Variants in LRBA observed in about 807,000 individuals in gnomAD.
The protein encoded by LRBA is lipopolysaccharide-responsive and beige-like anchor protein.
Under a neutral mutation model 330.0 loss-of-function variants are expected in LRBA, and 176 were observed. The ratio of observed to expected loss-of-function variants is 0.53; its 90% confidence interval spans 0.47 to 0.60. The LOEUF (loss-of-function observed/expected upper bound fraction) is 0.60. Ranked by LOEUF, LRBA falls within the 20% of genes least tolerant of loss-of-function variation. The probability of loss-of-function intolerance (pLI) is 0.00; values close to 1 mark genes in which losing one functional copy is unlikely to be tolerated. For missense variants in LRBA, 3,259 were observed against 3,444.8 expected (o/e 0.95, Z 1.35); for synonymous variants, 1,230 against 1,193.0 (o/e 1.03, Z -0.64).
chr4:150,791,106 T>C (rs1739843838), intron 34 of LRBA, among the ~76,000 whole-genome samples: 1 of 152,236 alleles, frequency 6.6e-6, no homozygotes, highest in Admixed American at 6.5e-5. Context: ...TTTAACACTG[T>C]ATATTCTTTT....
intron 22 of LRBA, 150 bp from the exon 23 acceptor site, chr4:150,853,093 T>C (rs1750803529): frequency 4.6e-6 from 2 of 439,164 alleles, no homozygotes; most frequent in South Asian, 1.6e-4. Flanking sequence ...ATGATAAATG[T>C]AAGTCAATCA....
At position 150,591,005 on chromosome 4, in the gene LRBA, G is replaced by A. The variant is rs150861788; in HGVS notation, c.6047-146C>T. ...CTACAGTGGAGAAAGTGATTGGGATGGCACACATGCCTGATCTGACAAACT... is the reference window on the plus strand; with the variant it reads ...CTACAGTGGAGAAAGTGATTGGGATAGCACACATGCCTGATCTGACAAACT... On this transcript the variant is annotated intron_variant, in intron 38 of 56. Transcript: ENST00000651943. 8.9e-6 allele frequency: 6 copies of A among 671,382 alleles called. 1 individual carries two copies. The East Asian group carries it at 1.4e-4, about 15-fold the overall frequency. 41.6% of individuals were successfully genotyped at this position (671,382 alleles called of 1,614,324 possible).
At chr4:150,304,687 T>C (rs1176477173) in intron 52 of LRBA, among the ~76,000 whole-genome samples, 5 of 152,032 alleles carry the variant, frequency 3.3e-5, no homozygotes, top group Non-Finnish European at 7.4e-5. Flanking sequence ...TAAAAAAAAT[T>C]GAGCAAATTA....
intron 48 of LRBA, among the ~76,000 whole-genome samples, chr4:150,329,184 C>T (rs910847142): frequency 6.6e-6 from 1 of 152,162 alleles, no homozygotes; most frequent in South Asian, 2.1e-4. Context: ...GTCTTGAAGG[C>T]ATCTGAAAAG....
rs577563248 is a variant in LRBA, at chr4:150,480,370, A to G, written c.6551+7362T>C. Among the ~76,000 whole-genome samples the G allele has an allele frequency of 4.6e-5, 7 of 152,244 alleles. No individual in the cohort carries two copies. In the South Asian group the frequency reaches 1.5e-3, roughly 32 times the overall value. On this transcript the variant is annotated intron_variant, in intron 42 of 56. Coordinates refer to ENST00000651943, the MANE Select transcript of LRBA (RefSeq NM_001364905.1). ...ATACAAAACTAATATGTGAATTCTG[A>G]TTTACCAGAGGCTACACATACAGGT...
At chr4:150,334,682 C>T (rs1286722527) in intron 48 of LRBA, among the ~76,000 whole-genome samples, 1 of 151,450 alleles carries the variant, frequency 6.6e-6, no homozygotes, top group South Asian at 2.1e-4. Context: ...CATTTTTATA[C>T]CAATTGATAT....
At chr4:150,881,724 C>T (rs1728413599) in intron 17 of LRBA, among the ~76,000 whole-genome samples, 1 of 152,126 alleles carries the variant, frequency 6.6e-6, no homozygotes, top group African/African-American at 2.4e-5. Context: ...AACTGTAACA[C>T]ACTAAGATAT....
intron 37 of LRBA, among the ~76,000 whole-genome samples, chr4:150,672,810 T>A (rs930625416): frequency 6.6e-6 from 1 of 152,190 alleles, no homozygotes; most frequent in African/African-American, 2.4e-5. Flanking sequence ...TCTACTGTTA[T>A]ATACTCAGTA....
intron 35 of LRBA, among the ~76,000 whole-genome samples, chr4:150,758,566 CTTT>C (rs2126449237): frequency 7.3e-6 from 1 of 136,438 alleles, no homozygotes; most frequent in African/African-American, 2.6e-5. Flanking sequence ...TAATTGATCT[CTTT>C]GTCTTTTTTT....
intron 38 of LRBA, among the ~76,000 whole-genome samples, chr4:150,592,427 T>C (rs1489531029): frequency 1.3e-5 from 2 of 151,930 alleles, no homozygotes. Context: ...TTATATACAA[T>C]ACTTATAGTG....
At chr4:150,323,515 A>G (rs1732833622) in intron 49 of LRBA, among the ~76,000 whole-genome samples, 1 of 152,232 alleles carries the variant, frequency 6.6e-6, no homozygotes, top group Non-Finnish European at 1.5e-5. Flanking sequence ...TCTTGTTTAC[A>G]TAGTGACTCT....
chr4:150,682,976 C>T (rs1278801021), intron 37 of LRBA, among the ~76,000 whole-genome samples: 3 of 151,958 alleles, frequency 2.0e-5, no homozygotes, highest in African/African-American at 7.2e-5. Flanking sequence ...TCAACAACAG[C>T]ATGTCCAGTT....
rs558732825 is a variant in LRBA at position 150,485,124 on chromosome 4, T to C, written c.6551+2608A>G. Among the ~76,000 whole-genome samples the C allele has an allele frequency of 4.6e-5, 7 of 152,114 alleles. No homozygotes were observed. The South Asian group carries it at 1.5e-3, about 32-fold the overall frequency. Reference sequence around the variant, plus strand: ...GCAATTGACTAAAATGTTTTATACATGTGACACAGATCAAGGTGGTTAATA... The same window carrying C: ...GCAATTGACTAAAATGTTTTATACACGTGACACAGATCAAGGTGGTTAATA... On this transcript the variant is annotated intron_variant, in intron 42 of 56. Coordinates refer to ENST00000651943, the MANE Select transcript of LRBA (RefSeq NM_001364905.1).
chr4:150,918,315 A>G (rs979370162), intron 5 of LRBA, among the ~76,000 whole-genome samples: 15 of 152,346 alleles, frequency 9.8e-5, no homozygotes, highest in African/African-American at 2.9e-4. Flanking sequence ...CTAAATATAC[A>G]TATCTCCAAA....
At chr4:150,959,580 C>T (rs1039596805) in intron 2 of LRBA, among the ~76,000 whole-genome samples, 16 of 149,038 alleles carry the variant, frequency 1.1e-4, no homozygotes, top group Non-Finnish European at 2.4e-4. Context: ...TAATAATTGC[C>T]ATCAAATATG....
At chr4:151,007,260 G>C (rs1185652976) in intron 2 of LRBA, among the ~76,000 whole-genome samples, 2 of 152,176 alleles carry the variant, frequency 1.3e-5, no homozygotes, top group Non-Finnish European at 2.9e-5. Context: ...CCAGCACCTT[G>C]GGAGGCCGAG....
intron 56 of LRBA, among the ~76,000 whole-genome samples, chr4:150,266,236 C>G (rs1415045603): frequency 2.0e-5 from 3 of 152,188 alleles, no homozygotes; most frequent in African/African-American, 7.2e-5. Context: ...AGCACACACT[C>G]AAGTGACAAG....
chr4:150,383,434 T>C (rs1026746656), intron 47 of LRBA, among the ~76,000 whole-genome samples: 3 of 152,052 alleles, frequency 2.0e-5, no homozygotes, highest in African/African-American at 7.2e-5. Flanking sequence ...TTTTAATTTC[T>C]GTAGAGATGA....
intron 40 of LRBA, among the ~76,000 whole-genome samples, chr4:150,574,592 G>T (rs938222156): frequency 6.6e-6 from 1 of 151,964 alleles, no homozygotes; most frequent in Admixed American, 6.6e-5. Flanking sequence ...TTGCTGATAC[G>T]TTCACACTGT....
Sources: allele counts gnomAD v4.1 joint callset (sites outside exome capture counted in the v4.1 genomes callset), GRCh38; gene constraint gnomAD v4.1.1; transcripts MANE v1.5; gene names NCBI Gene and HGNC (gene_info 2026-07-23, HGNC 2026-07-21).